Variants in POLR3H observed in about 807,000 individuals in gnomAD.
The protein encoded by POLR3H is RNA polymerase III subunit H.
Under a neutral mutation model 25.5 loss-of-function variants are expected in POLR3H, and 17 were observed. The ratio of observed to expected loss-of-function variants is 0.67; its 90% CI spans 0.46 to 1.00. The LOEUF is 1.00. POLR3H is among the 50% of genes least tolerant of loss of function. The probability of loss-of-function intolerance (pLI) is 0.00; values close to 1 mark genes in which losing one functional copy is unlikely to be tolerated. For synonymous variants in POLR3H, 129 were observed against 103.0 expected (o/e 1.25, Z -1.53); for missense variants, 274 against 265.0 (o/e 1.03, Z -0.24).
intron 2 of POLR3H, among the ~76,000 whole-genome samples, chr22:41,536,747 T>A (rs2066854766): frequency 6.6e-6 from 1 of 150,914 alleles, no homozygotes; most frequent in African/African-American, 2.4e-5. Flanking sequence ...GCACCTGTAA[T>A]CTCAGCTACT....
At position 41,527,225 on chromosome 22, in the gene POLR3H, G is replaced by A. The variant is rs1209146630; in HGVS notation, c.*2058C>T. ...CAGGTGGGTGAGGCCAGGCAGGTAGGGCCAGACAGGTGAGGACGGTGCCCT... is the reference window on the plus strand; with the variant it reads ...CAGGTGGGTGAGGCCAGGCAGGTAGAGCCAGACAGGTGAGGACGGTGCCCT... On this transcript the variant is annotated 3_prime_UTR_variant, in exon 6 of 6. Coordinates refer to ENST00000355209, the MANE Select transcript of POLR3H (RefSeq NM_001018050.4). 4 of 1,612,740 alleles carry A rather than the reference G, an allele frequency of 2.5e-6. No homozygotes were observed. The highest frequency in any genetic ancestry group is 3.4e-6 in the Non-Finnish European group (4 of 1,179,454).
chr22:41,527,574 T>C lies in POLR3H; in HGVS notation c.*1709A>G, dbSNP rs1267754237. ...CTTGCCCCTTCTTAGGCTCACACAG[T>C]GCACATCCGACGCTCAGCTTCCCGG... On this transcript the variant is annotated 3_prime_UTR_variant, in exon 6 of 6. Transcript: ENST00000355209. 5 of 1,093,912 alleles carry C rather than the reference T, an allele frequency of 4.6e-6. No individual in the cohort carries two copies. The highest frequency in any genetic ancestry group is 1.6e-5 in the African/African-American group (1 of 63,376). 67.8% of individuals were successfully genotyped at this position (1,093,912 alleles called of 1,614,324 possible).
At position 41,544,436 on chromosome 22, in the gene POLR3H, A is replaced by ACGCACCACGCACCGCGCACCGCGCACCG. The variant is rs1555894503; in HGVS notation, c.-336_-335insCGGTGCGCGGTGCGCGGTGCGTGGTGCG. On this transcript the variant is annotated 5_prime_UTR_variant, in exon 1 of 6. Coordinates refer to ENST00000355209, the MANE Select transcript of POLR3H (RefSeq NM_001018050.4). The stretch of plus-strand genomic sequence containing the variant: ...CCGCTCGTATCACGCACCACGCACC[A>ACGCACCACGCACCGCGCACCGCGCACCG]CGCACCGCGCACAGCCGCTCGCGCT... 3.2e-5 allele frequency: 6 copies of ACGCACCACGCACCGCGCACCGCGCACCG among 187,114 alleles called. No homozygotes were observed. The highest frequency in any genetic ancestry group is 1.2e-4 in the African/African-American group (5 of 41,962). 11.6% of individuals were successfully genotyped at this position (187,114 alleles called of 1,614,324 possible). A position where few individuals can be genotyped will look rare whatever the true frequency, so the allele number is the denominator to read the frequency against.
At position 41,527,793 on chromosome 22, in the gene POLR3H, C is replaced by T; in HGVS notation, c.*1490G>A. 1 of 1,561,338 alleles carries T rather than the reference C, an allele frequency of 6.4e-7. No homozygotes were observed. The highest frequency in any genetic ancestry group is 2.2e-5 in the East Asian group (1 of 44,626). ...CCCATAGTCACTGCCCGGGCATTGT[C>T]CCAGGCAGCAGGATTAGGGGCATCT... On this transcript the variant is annotated 3_prime_UTR_variant, in exon 6 of 6. Transcript: ENST00000355209.
At chr22:41,532,532 T>C in intron 3 of POLR3H, 127 bp downstream of exon 3, 1 of 1,541,034 alleles carries the variant, frequency 6.5e-7, no homozygotes, top group South Asian at 1.2e-5. Flanking sequence ...GTGGGCAAGC[T>C]TCTCTGACAC....
intron 2 of POLR3H, among the ~76,000 whole-genome samples, chr22:41,536,607 T>C (rs1281320170): frequency 1.3e-5 from 2 of 150,200 alleles, no homozygotes; most frequent in African/African-American, 4.9e-5. Context: ...GGCTCATGCC[T>C]ATAATCCCAG....
Position 41,526,086 on chromosome 22 carries a change from G to T in POLR3H, c.*3197C>A. The T allele has an allele frequency of 1.7e-6, 1 of 588,112 alleles. No individual in the cohort carries two copies. The allele number at this position is 588,112 out of a possible 1,614,324, so 36.4% of individuals were successfully genotyped here. On this transcript the variant is annotated 3_prime_UTR_variant, in exon 6 of 6. Transcript: ENST00000355209. ...GGATGAAGGCCTGGCCTGAGCCCAT[G>T]TGGCCTTAGGGTGGAAGCACCAGGA...
intron 5 of POLR3H, 100 bp downstream of exon 5, chr22:41,530,587 T>C: frequency 8.7e-7 from 1 of 1,142,988 alleles, no homozygotes; most frequent in Non-Finnish European, 1.2e-6. Flanking sequence ...CCTGACCTGC[T>C]GGGGGAGATC....
In POLR3H at chr22:41,528,380, CT is replaced by C. The variant is rs2066648035; in HGVS notation, c.*902del. 2 of 1,514,384 alleles carry C rather than the reference CT, an allele frequency of 1.3e-6. No individual in the cohort carries two copies. The highest frequency in any genetic ancestry group is 1.4e-5 in the African/African-American group (1 of 72,270). The allele number at this position is 1,514,384 out of a possible 1,614,324, so 93.8% of individuals were successfully genotyped here. ...TAGGATTTGGTTTGCCTGCTGACCT[CT>C]TAGGTCCCCAGGCAGTGCCCTGTCT... is the stretch of plus-strand genomic sequence containing the variant. On this transcript the variant is annotated 3_prime_UTR_variant, in exon 6 of 6. Coordinates refer to ENST00000355209, the MANE Select transcript of POLR3H (RefSeq NM_001018050.4).
intron 2 of POLR3H, chr22:41,533,411 G>A (rs2066782294): frequency 1.1e-6 from 1 of 882,522 alleles, no homozygotes; most frequent in Non-Finnish European, 1.5e-6. Context: ...GCTGCCCCCT[G>A]CTGGTTACCA....
intron 5 of POLR3H, 93 bp downstream of exon 5, chr22:41,530,594 G>T: frequency 1.7e-6 from 2 of 1,199,422 alleles, no homozygotes; most frequent in Non-Finnish European, 1.2e-6. Context: ...TGCTGGGGGA[G>T]ATCCCAGAGC....
rs2066602841 is a variant in POLR3H, at chr22:41,526,631, G to A, written c.*2652C>T. The A allele has an allele frequency of 1.6e-6, 1 of 611,878 alleles. No individual in the cohort carries two copies. The highest frequency in any genetic ancestry group is 2.7e-5 in the South Asian group (1 of 37,146). The allele number at this position is 611,878 out of a possible 1,614,324, so 37.9% of individuals were successfully genotyped here. On this transcript the variant is annotated 3_prime_UTR_variant, in exon 6 of 6. Coordinates refer to ENST00000355209, the MANE Select transcript of POLR3H (RefSeq NM_001018050.4). ...CCTCCCTGTGGCTGAGAAGGCATGA[G>A]GCCCAGGTCCGGTGGTACAGCCGGG...
intron 2 of POLR3H, among the ~76,000 whole-genome samples, chr22:41,535,225 G>A (rs1403113230): frequency 6.6e-6 from 1 of 151,994 alleles, no homozygotes; most frequent in Non-Finnish European, 1.5e-5. Context: ...GATCATTGAT[G>A]AGATCTGTCT....
intron 3 of POLR3H, 90 bp from the exon 4 acceptor site, chr22:41,532,247 G>A: frequency 7.8e-7 from 1 of 1,276,454 alleles, no homozygotes; most frequent in South Asian, 1.2e-5. Flanking sequence ...GGCAAGCCCT[G>A]CCTGGGGCTG....
chr22:41,544,338 C>CGCCGCGAG lies in POLR3H; in HGVS notation c.-245_-238dup. On this transcript the variant is annotated 5_prime_UTR_variant, in exon 1 of 6. Transcript: ENST00000355209. ...GTCCACAGCTCCGGGTGCGCGCCCG[C>CGCCGCGAG]GCCGCGAGACCCCGCCACGCCACGC... 1 of 404,880 alleles carries CGCCGCGAG rather than the reference C, an allele frequency of 2.5e-6. No homozygotes were observed. Among genetic ancestry groups the CGCCGCGAG allele is most frequent in the Non-Finnish European group, 4.4e-6 (1 of 227,308 alleles). The allele number at this position is 404,880 out of a possible 1,614,324, so 25.1% of individuals were successfully genotyped here. A position where few individuals can be genotyped will look rare whatever the true frequency, so the allele number is the denominator to read the frequency against.
At position 41,526,638 on chromosome 22, in the gene POLR3H, G is replaced by A. The variant is rs1194274975; in HGVS notation, c.*2645C>T. The A allele has an allele frequency of 1.0e-5, 6 of 580,610 alleles. No homozygotes were observed. Among genetic ancestry groups the A allele is most frequent in the Non-Finnish European group, 1.7e-5 (6 of 344,766 alleles). 36.0% of individuals were successfully genotyped at this position (580,610 alleles called of 1,614,324 possible). On this transcript the variant is annotated 3_prime_UTR_variant, in exon 6 of 6. Coordinates refer to ENST00000355209, the MANE Select transcript of POLR3H (RefSeq NM_001018050.4). ...GTGGCTGAGAAGGCATGAGGCCCAG[G>A]TCCGGTGGTACAGCCGGGTCCCTGC...
intron 2 of POLR3H, among the ~76,000 whole-genome samples, chr22:41,536,767 G>A (rs536312220): frequency 3.3e-5 from 5 of 149,770 alleles, no homozygotes; most frequent in African/African-American, 1.2e-4. Context: ...TCGGGAAGCT[G>A]AGACAGGAGA....
chr22:41,544,343 C>T lies in POLR3H; in HGVS notation c.-242G>A, dbSNP rs2066984611. ...CAGCTCCGGGTGCGCGCCCGCGCCG[C>T]GAGACCCCGCCACGCCACGCCACTC... On this transcript the variant is annotated 5_prime_UTR_variant, in exon 1 of 6. Coordinates refer to ENST00000355209, the MANE Select transcript of POLR3H (RefSeq NM_001018050.4). 2.5e-6 allele frequency: 1 copy of T among 399,608 alleles called. No homozygotes were observed. The highest frequency in any genetic ancestry group is 4.5e-6 in the Non-Finnish European group (1 of 223,884). The allele number at this position is 399,608 out of a possible 1,614,324, so 24.8% of individuals were successfully genotyped here. A position where few individuals can be genotyped will look rare whatever the true frequency, so the allele number is the denominator to read the frequency against.
At position 41,527,453 on chromosome 22, in the gene POLR3H, T is replaced by C. The variant is rs370671196; in HGVS notation, c.*1830A>G. 7.8e-5 allele frequency: 123 copies of C among 1,584,054 alleles called. No homozygotes were observed. In the African/African-American group the frequency reaches 1.4e-3, roughly 18 times the overall value. On this transcript the variant is annotated 3_prime_UTR_variant, in exon 6 of 6. Transcript: ENST00000355209. Reference sequence around the variant, plus strand: ...GGAGTCTGTACCCAGGCCATCCTCATCCCATCCCTAGTGATCAAGGTCACT... The same window carrying C: ...GGAGTCTGTACCCAGGCCATCCTCACCCCATCCCTAGTGATCAAGGTCACT...
Sources: gnomAD v4.1 joint callset for allele counts (sites outside exome capture counted in the v4.1 genomes callset) on GRCh38, gnomAD v4.1.1 for gene constraint, MANE v1.5 for transcripts, NCBI Gene and HGNC (gene_info 2026-07-23, HGNC 2026-07-21) for gene names.